Variants in NELL1 observed in about 807,000 individuals in gnomAD.
NELL1 encodes the protein protein kinase C-binding protein NELL1.
Under a neutral mutation model 107.4 loss-of-function variants are expected in NELL1, and 76 were observed. That is an observed-to-expected ratio of 0.71 (90% CI 0.59 to 0.86). The LOEUF is 0.86. NELL1 is among the 40% of genes least tolerant of loss of function. NELL1 has a pLI of 0.00. For synonymous variants in NELL1, 353 were observed against 341.2 expected, an observed-to-expected ratio of 1.03 and a Z score of -0.38; for missense variants, 1,024 against 1,005.5, an observed-to-expected ratio of 1.02 and a Z score of -0.25.
chr11:20,949,177 C>G (rs1261762915), intron 11 of NELL1, among the ~76,000 whole-genome samples: 1 of 152,180 alleles, frequency 6.6e-6, no homozygotes, highest in Admixed American at 6.5e-5. Context: ...TGACCCCTCC[C>G]TTAGCACCTT....
intron 4 of NELL1, among the ~76,000 whole-genome samples, chr11:20,876,658 G>T (rs987637441): frequency 2.0e-5 from 3 of 152,070 alleles, no homozygotes; most frequent in Non-Finnish European, 4.4e-5. Flanking sequence ...CCAGCTACTT[G>T]GGAGGCTGAG....
intron 13 of NELL1, among the ~76,000 whole-genome samples, chr11:21,187,542 T>C (rs541770297): frequency 2.0e-5 from 3 of 151,932 alleles, no homozygotes; most frequent in Non-Finnish European, 2.9e-5. Flanking sequence ...TACCTCCCTT[T>C]CAAATTTTTG....
At chr11:21,327,131 C>G (rs527875578) in intron 14 of NELL1, among the ~76,000 whole-genome samples, 2 of 124,920 alleles carry the variant, frequency 1.6e-5, no homozygotes, top group African/African-American at 6.2e-5. Context: ...TTATGCTGTT[C>G]TTGTGACAGT....
intron 15 of NELL1, among the ~76,000 whole-genome samples, chr11:21,446,857 G>A (rs1376835220): frequency 1.3e-5 from 2 of 152,204 alleles, no homozygotes; most frequent in South Asian, 4.1e-4. Flanking sequence ...TTCCTTTCAG[G>A]GTGATGAGTT....
chr11:21,525,843 T>G (rs998450798), intron 15 of NELL1, among the ~76,000 whole-genome samples: 8 of 152,138 alleles, frequency 5.3e-5, no homozygotes, highest in African/African-American at 1.9e-4. Flanking sequence ...ACTGACTCCA[T>G]GATTATTTTA....
intron 2 of NELL1, among the ~76,000 whole-genome samples, chr11:20,763,251 G>A (rs111701431): frequency 2.8e-3 from 431 of 152,206 alleles, no homozygotes; most frequent in African/African-American, 9.9e-3. Flanking sequence ...TTTGAGAAGC[G>A]TGGTAAGAGC....
chr11:21,485,547 C>G (rs1854604136), intron 15 of NELL1, among the ~76,000 whole-genome samples: 1 of 151,712 alleles, frequency 6.6e-6, no homozygotes, highest in Admixed American at 6.6e-5. Context: ...TCGTACATTC[C>G]AAGTACAAAT....
chr11:20,788,132 C>T (rs1043669880), intron 3 of NELL1, among the ~76,000 whole-genome samples: 4 of 152,088 alleles, frequency 2.6e-5, no homozygotes, highest in Non-Finnish European at 4.4e-5. Flanking sequence ...TGAATTGTTT[C>T]CACTCTTGGC....
intron 12 of NELL1, among the ~76,000 whole-genome samples, chr11:21,068,870 A>G (rs1001677530): frequency 1.3e-5 from 2 of 152,182 alleles, no homozygotes; most frequent in South Asian, 2.1e-4. Context: ...CTTAATATGT[A>G]TTAAATAAAT....
intron 14 of NELL1, among the ~76,000 whole-genome samples, chr11:21,232,159 A>AAATATATATATATATAT (rs1554985116): frequency 6.8e-5 from 5 of 73,202 alleles, no homozygotes; most frequent in African/African-American, 2.1e-4. Context: ...AAAAAAAAAA[A>AAATATATATATATATAT]ATATATATAT....
chr11:20,792,659 C>T (rs1490015875), intron 3 of NELL1, among the ~76,000 whole-genome samples: 3 of 151,882 alleles, frequency 2.0e-5, no homozygotes, highest in African/African-American at 7.2e-5. Flanking sequence ...TAAGTAATTA[C>T]ATTAATAGAA....
intron 13 of NELL1, among the ~76,000 whole-genome samples, chr11:21,227,021 A>G (rs79231478): frequency 0.023 from 3,573 of 152,342 alleles, 141 homozygotes; most frequent in African/African-American, 0.082. Flanking sequence ...TTGGAAGATA[A>G]GACCTGGTAG....
At chr11:20,756,769 A>G (rs761435029) in intron 2 of NELL1, among the ~76,000 whole-genome samples, 1 of 151,758 alleles carries the variant, frequency 6.6e-6, no homozygotes, top group Non-Finnish European at 1.5e-5. Flanking sequence ...CAACCAAAAT[A>G]TTTCCAGATA....
chr11:21,005,570 A>C (rs1326358515), intron 12 of NELL1, among the ~76,000 whole-genome samples: 1 of 152,294 alleles, frequency 6.6e-6, no homozygotes, highest in South Asian at 2.1e-4. Context: ...AATGGGTAGC[A>C]TGTATTTCCA....
intron 12 of NELL1, among the ~76,000 whole-genome samples, chr11:21,044,262 T>TA (rs1477587630): frequency 1.3e-5 from 2 of 152,190 alleles, no homozygotes; most frequent in Non-Finnish European, 2.9e-5. Flanking sequence ...GCTGCTGAGA[T>TA]ACATTAGGAG....
At chr11:21,213,602 A>T (rs1171967549) in intron 13 of NELL1, among the ~76,000 whole-genome samples, 3 of 152,168 alleles carry the variant, frequency 2.0e-5, no homozygotes, top group Non-Finnish European at 4.4e-5. Flanking sequence ...TTCTTTATAG[A>T]TACTATATTC....
At chr11:21,484,440 C>A (rs969693917) in intron 15 of NELL1, among the ~76,000 whole-genome samples, 1 of 151,656 alleles carries the variant, frequency 6.6e-6, no homozygotes, top group Admixed American at 6.6e-5. Flanking sequence ...TTCTCCTTAC[C>A]TCTCCCCTTA....
At chr11:20,902,573 A>G (rs1006111361) in intron 5 of NELL1, among the ~76,000 whole-genome samples, 1 of 152,106 alleles carries the variant, frequency 6.6e-6, no homozygotes, top group Non-Finnish European at 1.5e-5. Context: ...GGATCCTTGT[A>G]ATGTGCATAC....
chr11:21,134,015 G>A (rs1030520590), intron 13 of NELL1, among the ~76,000 whole-genome samples: 13 of 152,326 alleles, frequency 8.5e-5, no homozygotes, highest in East Asian at 1.9e-4. Context: ...CAGACAGGCC[G>A]CAGCTGCCAT....
Sources: allele counts gnomAD v4.1 joint callset (sites outside exome capture counted in the v4.1 genomes callset), GRCh38; gene constraint gnomAD v4.1.1; transcripts MANE v1.5; gene names NCBI Gene and HGNC (gene_info 2026-07-23, HGNC 2026-07-21).